EGFL7: variants seen among roughly 807,000 people sequenced by gnomAD.
The protein encoded by EGFL7 is epidermal growth factor-like protein 7.
Under a neutral mutation model 37.1 loss-of-function variants are expected in EGFL7, and 48 were observed. The ratio of observed to expected loss-of-function variants is 1.29; its 90% CI spans 1.03 to 1.65. The LOEUF (loss-of-function observed/expected upper bound fraction) is 1.65, where lower values mean the gene tolerates loss of function less well. Ranked by LOEUF, EGFL7 falls within the 40% of genes most tolerant of loss-of-function variation. The pLI, the probability that EGFL7 is intolerant of heterozygous loss-of-function variation, is 0.00. For missense variants in EGFL7, 384 were observed against 378.9 expected, an observed-to-expected ratio of 1.01 and a Z score of -0.11; for synonymous variants, 180 against 156.8, an observed-to-expected ratio of 1.15 and a Z score of -1.10.
In EGFL7 at chr9:136,669,612, C is replaced by T; in HGVS notation, c.204C>T (p.Ile68=). Reference sequence around the variant, plus strand: ...TGTCCCACCCACCCCACAGAACCATCTATAGGACCGCCTACCGCCGCAGCC... The same window carrying T: ...TGTCCCACCCACCCCACAGAACCATTTATAGGACCGCCTACCGCCGCAGCC... The part of the protein sequence containing the change: ...GHRACSTYRT[I]YRTAYRRSPG... Residue 68 remains isoleucine (I), a synonymous_variant, in exon 6 of 11, where the codon ATC becomes ATT. Coordinates refer to ENST00000308874, the MANE Select transcript of EGFL7 (RefSeq NM_016215.5). The T allele has an allele frequency of 1.9e-6, 3 of 1,610,526 alleles. No homozygotes were observed. Among genetic ancestry groups the T allele is most frequent in the South Asian group, 2.2e-5 (2 of 90,674 alleles).
intron 5 of EGFL7, among the ~76,000 whole-genome samples, chr9:136,669,302 CTG>C (rs1845684855): frequency 6.6e-6 from 1 of 152,240 alleles, no homozygotes; most frequent in Admixed American, 6.5e-5. Flanking sequence ...ACCCTCTCCT[CTG>C]GGCCTGGATG....
intron 3 of EGFL7, among the ~76,000 whole-genome samples, 151 bp from the exon 4 acceptor site, chr9:136,668,090 G>A (rs1157626808): frequency 6.6e-6 from 1 of 152,202 alleles, no homozygotes; most frequent in South Asian, 2.1e-4. Flanking sequence ...GGGGGCCAGC[G>A]GAGGAGAGAG....
In EGFL7 at chr9:136,668,382, G is replaced by T; in HGVS notation, c.80+20G>T. ...GCCCGGGTGAGCCAAGCCCTAGCCTGGGAGTGCTGGGGTGGGGGGACCGGG... is the reference window on the plus strand; with the variant it reads ...GCCCGGGTGAGCCAAGCCCTAGCCTTGGAGTGCTGGGGTGGGGGGACCGGG... On this transcript the variant is annotated intron_variant, in intron 4 of 10. Coordinates refer to ENST00000308874, the MANE Select transcript of EGFL7 (RefSeq NM_016215.5). The T allele has an allele frequency of 6.4e-7, 1 of 1,566,886 alleles. No individual in the cohort carries two copies. Among genetic ancestry groups the T allele is most frequent in the East Asian group, 2.3e-5 (1 of 44,096 alleles).
At chr9:136,664,363 C>T (rs1845330544) in intron 2 of EGFL7, among the ~76,000 whole-genome samples, 1 of 152,194 alleles carries the variant, frequency 6.6e-6, no homozygotes, top group African/African-American at 2.4e-5. Context: ...CCCTCTCGGA[C>T]CCATCTGCAG....
chr9:136,668,581 T>C lies in EGFL7; in HGVS notation c.105T>C (p.Ala35=), dbSNP rs1470852463. 1.9e-6 allele frequency: 3 copies of C among 1,609,154 alleles called. No individual in the cohort carries two copies. The highest frequency in any genetic ancestry group is 2.5e-6 in the Non-Finnish European group (3 of 1,179,742). The change falls in exon 5 of 11, where the codon GCT becomes GCC. Residue 35 remains alanine, a synonymous_variant. Transcript: ENST00000308874. ...GCCGTAGGGTGTGTGCTGTCCGGGC[T>C]CACGGGGACCCTGTCTCCGAGTCGT... ...RPGRRVCAVR[A]HGDPVSESFV...
upstream of EGFL7, among the ~76,000 whole-genome samples, chr9:136,659,824 G>T (rs528280166): frequency 6.6e-6 from 1 of 152,344 alleles, no homozygotes; most frequent in Non-Finnish European, 1.5e-5. Flanking sequence ...CAGGCAGGGT[G>T]AAGCCCTGGG....
intron 3 of EGFL7, among the ~76,000 whole-genome samples, chr9:136,665,269 G>T (rs976804958): frequency 6.6e-6 from 1 of 152,240 alleles, no homozygotes; most frequent in Non-Finnish European, 1.5e-5. Flanking sequence ...TCTCAGAGGA[G>T]ATCTGGGTCT....
chr9:136,670,405 G>C, intron 8 of EGFL7, 75 bp downstream of exon 8: 1 of 1,465,322 alleles, frequency 6.8e-7, no homozygotes, highest in Non-Finnish European at 9.2e-7. Context: ...GTTAGGCATG[G>C]TGGGGGGCAC....
At chr9:136,663,889 G>C (rs1282282245) in intron 2 of EGFL7, among the ~76,000 whole-genome samples, 1 of 152,246 alleles carries the variant, frequency 6.6e-6, no homozygotes, top group Non-Finnish European at 1.5e-5. Flanking sequence ...TGGGGGCAGC[G>C]AGGGCTGAGT....
chr9:136,666,146 G>A lies in EGFL7; in HGVS notation c.-43+1361G>A, dbSNP rs1013374070. ...CGACCCGGCGCGACTCAGCGCCTCG[G>A]GGCCCAGCCTGTGCCGCCTGCTCCG... On this transcript the variant is annotated intron_variant, in intron 3 of 10. Transcript: ENST00000308874. This position sits in a 1 kb window ranked among gnomAD's most constrained non-coding sequence, Gnocchi z 6.8. Among the ~76,000 whole-genome samples, 13 of 149,572 alleles carry A rather than the reference G, an allele frequency of 8.7e-5. No individual in the cohort carries two copies. Among genetic ancestry groups the A allele is most frequent in the Non-Finnish European group, 1.9e-4 (13 of 66,962 alleles).
chr9:136,666,794 T>G lies in EGFL7; in HGVS notation c.-42-1447T>G, dbSNP rs1845507344. On this transcript the variant is annotated intron_variant, in intron 3 of 10. Coordinates refer to ENST00000308874, the MANE Select transcript of EGFL7 (RefSeq NM_016215.5). The surrounding 1 kb of genome is among the most constrained non-coding windows in gnomAD (Gnocchi z 6.8). ...TGTCCCCCGACTTCGAGTCTTGCCT[T>G]GAGGTCGCACCAGACCCAGCCCCTA... Among the ~76,000 whole-genome samples, 1 of 151,990 alleles carries G rather than the reference T, an allele frequency of 6.6e-6. No homozygotes were observed. The highest frequency in any genetic ancestry group is 2.1e-4 in the South Asian group (1 of 4,830).
chr9:136,672,189 G>A (rs986204070), intron 10 of EGFL7, 75 bp from the exon 11 acceptor site: 1 of 1,610,146 alleles, frequency 6.2e-7, no homozygotes, highest in African/African-American at 1.3e-5. Context: ...AAAGGCCAAG[G>A]GGCCAGTCAG....
Position 136,666,918 on chromosome 9 carries a change from T to A in EGFL7, c.-42-1323T>A, listed in dbSNP as rs1433230519. The stretch of plus-strand genomic sequence containing the variant: ...CCAAAAACTGCTGTGATGCCCCCCC[T>A]GCCCCCAAGCTAAGTCCCCACCCCT... On this transcript the variant is annotated intron_variant, in intron 3 of 10. Transcript: ENST00000308874. This position sits in a 1 kb window ranked among gnomAD's most constrained non-coding sequence, Gnocchi z 6.8. Among the ~76,000 whole-genome samples the A allele has an allele frequency of 2.1e-5, 3 of 143,348 alleles. No individual in the cohort carries two copies. The highest frequency in any genetic ancestry group is 2.2e-4 in the East Asian group (1 of 4,558). 94.0% of individuals were successfully genotyped at this position (143,348 alleles called of 152,430 possible).
At position 136,666,335 on chromosome 9, in the gene EGFL7, G is replaced by A. The variant is rs907221925; in HGVS notation, c.-43+1550G>A. ...GCGGCGCAGCCAGGCCCCTCCCTCT[G>A]CGGACCCGGCCTCTCGCGGGTGGGG... On this transcript the variant is annotated intron_variant, in intron 3 of 10. Coordinates refer to ENST00000308874, the MANE Select transcript of EGFL7 (RefSeq NM_016215.5). The surrounding 1 kb of genome is among the most constrained non-coding windows in gnomAD (Gnocchi z 6.8). Among the ~76,000 whole-genome samples the A allele has an allele frequency of 6.6e-6, 1 of 151,752 alleles. No homozygotes were observed. Among genetic ancestry groups the A allele is most frequent in the Non-Finnish European group, 1.5e-5 (1 of 67,860 alleles).
At position 136,669,678 on chromosome 9, in the gene EGFL7, C is replaced by G. The variant is rs753178651; in HGVS notation, c.270C>G (p.Pro90=). The change falls in exon 6 of 11, where the codon CCC becomes CCG. Residue 90 remains proline (P), a synonymous_variant. Transcript: ENST00000308874. Reference sequence around the variant, plus strand: ...CCAGGCCTCGCTACGCGTGCTGCCCCGGCTGGAAGAGGACCAGCGGGCTTC... The same window carrying G: ...CCAGGCCTCGCTACGCGTGCTGCCCGGGCTGGAAGAGGACCAGCGGGCTTC... ...APARPRYACC[P]GWKRTSGLPG... is the part of the protein sequence containing the mutation. 6.2e-7 allele frequency: 1 copy of G among 1,608,128 alleles called. No homozygotes were observed. The highest frequency in any genetic ancestry group is 8.5e-7 in the Non-Finnish European group (1 of 1,178,338).
chr9:136,670,744 C>T, intron 8 of EGFL7: 1 of 742,220 alleles, frequency 1.3e-6, no homozygotes, highest in South Asian at 1.4e-5. Flanking sequence ...TGGCCGGGAC[C>T]CTGAGCCTCT....
chr9:136,667,537 G>C (rs968878961), intron 3 of EGFL7, among the ~76,000 whole-genome samples: 1 of 152,186 alleles, frequency 6.6e-6, no homozygotes, highest in Non-Finnish European at 1.5e-5. Context: ...TTCCGGTTCC[G>C]GTGACACTGT....
In EGFL7 at chr9:136,671,030, G is replaced by A. The variant is rs1564283641; in HGVS notation, c.636+16G>A. Reference sequence around the variant, plus strand: ...GCTGGAGGAGGTGAGGCATTGGTGGGGGGGGGGGGGGGCAGGCAGTCCAGG... The same window carrying A: ...GCTGGAGGAGGTGAGGCATTGGTGGAGGGGGGGGGGGGCAGGCAGTCCAGG... On this transcript the variant is annotated intron_variant, in intron 9 of 10. Transcript: ENST00000308874. The A allele has an allele frequency of 1.8e-5, 9 of 508,056 alleles. No individual in the cohort carries two copies. Among genetic ancestry groups the A allele is most frequent in the Non-Finnish European group, 2.0e-5 (8 of 397,736 alleles). The allele number at this position is 508,056 out of a possible 1,614,324, so 31.5% of individuals were successfully genotyped here. A position where few individuals can be genotyped will look rare whatever the true frequency, so the allele number is the denominator to read the frequency against.
In EGFL7 at chr9:136,670,261, A is replaced by G; in HGVS notation, c.502A>G (p.Ser168Gly). ...SYWCQCWEGH[S>G]LSADGTLCVP... ...CTGGTGCCAGTGTTGGGAGGGGCAC[A>G]GCCTGTCTGCAGACGGTACACTCTG... The change falls in exon 8 of 11, where the codon AGC (serine) becomes GGC (glycine). Residue 168 changes from serine (S) to glycine (G), a missense_variant. Physicochemically the swap from Ser to Gly is moderately conservative, Grantham distance 56. Transcript: ENST00000308874. The G allele has an allele frequency of 6.2e-7, 1 of 1,612,382 alleles. No homozygotes were observed. The highest frequency in any genetic ancestry group is 8.5e-7 in the Non-Finnish European group (1 of 1,179,716).
Sources: gnomAD v4.1 joint callset for allele counts (sites outside exome capture counted in the v4.1 genomes callset) on GRCh38, gnomAD v4.1.1 for gene constraint, Gnocchi (gnomAD v3.1) non-coding constraint, MANE v1.5 for transcripts, NCBI Gene and HGNC (gene_info 2026-07-23, HGNC 2026-07-21) for gene names.